ORC4: variants seen among roughly 807,000 people sequenced by gnomAD.
ORC4 encodes origin recognition complex, subunit 4 homolog.
Under a neutral mutation model 63.9 loss-of-function variants are expected in ORC4, and 55 were observed. The observed-to-expected ratio is 0.86, with a 90% confidence interval of 0.69 to 1.08. The LOEUF (loss-of-function observed/expected upper bound fraction) is 1.08. Ranked by LOEUF, ORC4 falls within the 50% of genes least tolerant of loss-of-function variation. The pLI is 0.00. For synonymous variants in ORC4, 150 were observed against 168.5 expected (o/e 0.89, Z 0.85); for missense variants, 511 against 504.4 (o/e 1.01, Z -0.13).
chr2:147,938,153 A>C lies in ORC4; in HGVS notation c.1115T>G (p.Val372Gly). The change falls in exon 13 of 14, where the codon GTC becomes GGC. Residue 372 changes from valine to glycine, a missense_variant. Val to Gly is a moderately radical substitution (Grantham distance 109, BLOSUM62 -3). Coordinates refer to ENST00000392857, the MANE Select transcript of ORC4 (RefSeq NM_181741.4). ...CAGCAAACTAAATCTTACCTTCATG[A>C]CAACAGGTTTTTCAAAATTATAAAC... ...HSVYNFEKPV[V>G]MKAFEHLQQL... The C allele has an allele frequency of 6.2e-7, 1 of 1,606,972 alleles. No homozygotes were observed. The highest frequency in any genetic ancestry group is 8.5e-7 in the Non-Finnish European group (1 of 1,173,982).
In ORC4 at chr2:148,009,235, G is replaced by GA. The variant is rs35898574; in HGVS notation, c.-18+11397dup. Among the ~76,000 whole-genome samples the GA allele has an allele frequency of 2.6e-5, 4 of 151,528 alleles. No individual in the cohort carries two copies. In the East Asian group the frequency reaches 5.8e-4, roughly 22 times the overall value. On this transcript the variant is annotated intron_variant, in intron 1 of 13. Coordinates refer to ENST00000392857, the MANE Select transcript of ORC4 (RefSeq NM_181741.4). ...AATAATTATCACAAAGGAAAACAAG[G>GA]AAAAAAATGGGGGAAAAGCCCTAGA... is the stretch of plus-strand genomic sequence containing the variant.
chr2:147,946,219 G>A (rs1688651969), intron 9 of ORC4, among the ~76,000 whole-genome samples: 1 of 151,850 alleles, frequency 6.6e-6, no homozygotes. Flanking sequence ...AGTTGGGAAG[G>A]AAAGTGGATG....
At position 147,939,237 on chromosome 2, in the gene ORC4, T is replaced by C; in HGVS notation, c.861A>G (p.Leu287=). Reference sequence around the variant, plus strand: ...ATGGGTGCGATGCTGTTACTCGATTTAAAGCAAGCATCTAGGGAAAGACAG... The same window carrying C: ...ATGGGTGCGATGCTGTTACTCGATTCAAAGCAAGCATCTAGGGAAAGACAG... ...RSLHMLLMLA[L]NRVTASHPFM... is the part of the protein sequence containing the mutation. The change falls in exon 11 of 14, where the codon TTA becomes TTG. Residue 287 remains leucine (L), a synonymous_variant. Transcript: ENST00000392857. 1 of 1,608,984 alleles carries C rather than the reference T, an allele frequency of 6.2e-7. No individual in the cohort carries two copies.
At chr2:148,015,474 C>A (rs1327590977) in intron 1 of ORC4, among the ~76,000 whole-genome samples, 1 of 151,840 alleles carries the variant, frequency 6.6e-6, no homozygotes, top group Non-Finnish European at 1.5e-5. Context: ...GCCACCACGC[C>A]TGGCTAATTT....
In ORC4 at chr2:147,972,767, A is replaced by C. The variant is rs1262183122; in HGVS notation, c.197T>G (p.Ile66Ser). 4.3e-6 allele frequency: 7 copies of C among 1,610,632 alleles called. No individual in the cohort carries two copies. The highest frequency in any genetic ancestry group is 5.9e-6 in the Non-Finnish European group (7 of 1,177,740). ...AGTTTTTCCTGATCCTCGGGGTCCG[A>C]TAATAAGGACAGAGTTACTCTCTCC... ...LHGESNSVLI[I>S]GPRGSGKTML... Residue 66 changes from isoleucine to serine, a missense_variant, in exon 4 of 14, where the codon ATC (isoleucine) becomes AGC (serine). Physicochemically the swap from Ile to Ser is moderately radical, Grantham distance 142. Coordinates refer to ENST00000392857, the MANE Select transcript of ORC4 (RefSeq NM_181741.4).
intron 1 of ORC4, among the ~76,000 whole-genome samples, chr2:147,999,258 C>G (rs965714010): frequency 1.3e-5 from 2 of 152,048 alleles, no homozygotes; most frequent in Non-Finnish European, 2.9e-5. Flanking sequence ...AAGAAATCTA[C>G]CCTGAGGACA....
rs17225607 is a variant in ORC4 at position 147,940,775 on chromosome 2, G to A, written c.850-1527C>T. Among the ~76,000 whole-genome samples the A allele has an allele frequency of 5.0e-3, 756 of 152,152 alleles. 4 individuals are homozygous for A. Among genetic ancestry groups the A allele is most frequent in the Middle Eastern group, 0.024 (7 of 294 alleles). ...ACTCAGGAATGGAAAACCAAACATC[G>A]TATGTTCTCACTGATATGATATGTG... On this transcript the variant is annotated intron_variant, in intron 10 of 13. Transcript: ENST00000392857.
At chr2:148,017,284 A>C (rs1693360136) in intron 1 of ORC4, among the ~76,000 whole-genome samples, 1 of 152,378 alleles carries the variant, frequency 6.6e-6, no homozygotes, top group African/African-American at 2.4e-5. Context: ...CATTGTTTTC[A>C]TACTGTCTTT....
chr2:147,957,682 T>C (rs1195258299), intron 6 of ORC4, among the ~76,000 whole-genome samples: 1 of 152,178 alleles, frequency 6.6e-6, no homozygotes, highest in African/African-American at 2.4e-5. Flanking sequence ...TAACTGACAT[T>C]TGTACAGCAC....
chr2:147,942,441 G>A (rs576801378), intron 10 of ORC4, among the ~76,000 whole-genome samples: 65 of 152,060 alleles, frequency 4.3e-4, no homozygotes, highest in African/African-American at 1.5e-3. Flanking sequence ...GGTATATAAG[G>A]CTGGTTCAAC....
At position 147,990,696 on chromosome 2, in the gene ORC4, T is replaced by C. The variant is rs186301405; in HGVS notation, c.-17-14721A>G. ...CTGACAGTTTTGTAAAATCTTTTTTTCCTCCTCATTTGTTGCCAGTGAATA... is the reference window on the plus strand; with the variant it reads ...CTGACAGTTTTGTAAAATCTTTTTTCCCTCCTCATTTGTTGCCAGTGAATA... On this transcript the variant is annotated intron_variant, in intron 1 of 13. Coordinates refer to ENST00000392857, the MANE Select transcript of ORC4 (RefSeq NM_181741.4). Among the ~76,000 whole-genome samples, 99 of 152,332 alleles carry C rather than the reference T, an allele frequency of 6.5e-4. No homozygotes were observed. In the East Asian group the frequency reaches 0.017, roughly 26 times the overall value.
At chr2:148,012,517 T>C (rs1693033107) in intron 1 of ORC4, among the ~76,000 whole-genome samples, 1 of 152,122 alleles carries the variant, frequency 6.6e-6, no homozygotes, top group Non-Finnish European at 1.5e-5. Context: ...CTCCAGGACA[T>C]TGGTCTAGGC....
chr2:147,941,463 G>A (rs1448293257), intron 10 of ORC4, among the ~76,000 whole-genome samples: 3 of 151,750 alleles, frequency 2.0e-5, no homozygotes, highest in Non-Finnish European at 2.9e-5. Context: ...ATACCATCAA[G>A]CATAATCTTT....
rs1288822214 is a variant in ORC4, at chr2:147,932,731, A to G, written c.*2779T>C. The G allele has an allele frequency of 6.6e-6, 1 of 152,128 alleles. No individual in the cohort carries two copies. Among genetic ancestry groups the G allele is most frequent in the East Asian group, 1.9e-4 (1 of 5,192 alleles). 9.4% of individuals were successfully genotyped at this position (152,128 alleles called of 1,614,324 possible). The stretch of plus-strand genomic sequence containing the variant: ...GTTGGCATTGTGTCACACAGTACAC[A>G]CCAATGGATTCTCAGATTTTCTAGG... On this transcript the variant is annotated 3_prime_UTR_variant, in exon 14 of 14. Transcript: ENST00000392857.
At chr2:147,947,949 T>G (rs1415867903) in intron 9 of ORC4, 102 bp downstream of exon 9, 8 of 894,196 alleles carry the variant, frequency 8.9e-6, no homozygotes, top group Non-Finnish European at 1.3e-5. Flanking sequence ...CCTTCAGCAA[T>G]ATTAGAAACT....
intron 3 of ORC4, among the ~76,000 whole-genome samples, 193 bp downstream of exon 3, chr2:147,973,255 T>C (rs979092090): frequency 2.6e-5 from 4 of 152,198 alleles, no homozygotes; most frequent in East Asian, 1.9e-4. Flanking sequence ...TAAAGTGCTA[T>C]TGCATTATGG....
At chr2:147,964,139 C>A (rs1689763633) in intron 4 of ORC4, among the ~76,000 whole-genome samples, 1 of 151,780 alleles carries the variant, frequency 6.6e-6, no homozygotes, top group Admixed American at 6.6e-5. Flanking sequence ...ACAGAAAATG[C>A]CAGAAGAATT....
chr2:147,966,343 T>C (rs17219057), intron 4 of ORC4, among the ~76,000 whole-genome samples: 4,824 of 152,058 alleles, frequency 0.032, 104 homozygotes, highest in Middle Eastern at 0.068. Context: ...TCTAACAATG[T>C]ATTCCAAAGA....
rs1687814284 is a variant in ORC4 at position 147,932,319 on chromosome 2, T to C, written c.*3191A>G. The C allele has an allele frequency of 6.6e-6, 1 of 152,084 alleles. No homozygotes were observed. The highest frequency in any genetic ancestry group is 1.9e-4 in the East Asian group (1 of 5,192). The allele number at this position is 152,084 out of a possible 1,614,324, so 9.4% of individuals were successfully genotyped here. On this transcript the variant is annotated 3_prime_UTR_variant, in exon 14 of 14. Coordinates refer to ENST00000392857, the MANE Select transcript of ORC4 (RefSeq NM_181741.4). ...GGAAATAAAAGAGGATACAAACAAATGGAAGAACATTCCATGCTCTTGGGT... is the reference window on the plus strand; with the variant it reads ...GGAAATAAAAGAGGATACAAACAAACGGAAGAACATTCCATGCTCTTGGGT...
Sources: allele counts gnomAD v4.1 joint callset (sites outside exome capture counted in the v4.1 genomes callset), GRCh38; gene constraint gnomAD v4.1.1; transcripts MANE v1.5; gene names NCBI Gene and HGNC (gene_info 2026-07-23, HGNC 2026-07-21).